MYH3: variants seen among roughly 807,000 people sequenced by gnomAD.
MYH3 encodes myosin-3.
Under a neutral mutation model 238.0 loss-of-function variants are expected in MYH3, and 130 were observed. That is an observed-to-expected ratio of 0.55 (90% CI 0.47 to 0.63). The LOEUF is 0.63. Among genes scored for constraint, MYH3 ranks in the 30% least tolerant of loss-of-function variants. The pLI, the probability that MYH3 is intolerant of heterozygous loss-of-function variation, is 0.00. For missense variants in MYH3, 1,853 were observed against 2,374.9 expected (o/e 0.78, Z 4.57); for synonymous variants, 880 against 924.1 (o/e 0.95, Z 0.86).
intron 5 of MYH3, among the ~76,000 whole-genome samples, chr17:10,650,805 G>A (rs763364516): frequency 1.3e-5 from 2 of 152,074 alleles, no homozygotes; most frequent in Non-Finnish European, 2.9e-5. Context: ...CACCAGCACC[G>A]ATTTCTCCTT....
Position 10,631,981 on chromosome 17 carries a change from G to A in MYH3, c.4992C>T (p.Gly1664=). The part of the protein sequence containing the change: ...TQLHLDDALR[G]QEDLKEQLAI... ...CCAGCTGCTCCTTCAGGTCCTCCTG[G>A]CCCCGGAGGGCATCATCCAGGTGGA... Residue 1664 remains glycine (G), a synonymous_variant, in exon 35 of 41, where the codon GGC becomes GGT. Transcript: ENST00000583535. 6.2e-7 allele frequency: 1 copy of A among 1,613,782 alleles called. No homozygotes were observed. Among genetic ancestry groups the A allele is most frequent in the Non-Finnish European group, 8.5e-7 (1 of 1,180,046 alleles).
the MYH3 span, among the ~76,000 whole-genome samples, chr17:10,671,665 C>T: frequency 3.4e-5 from 5 of 147,076 alleles, no homozygotes; most frequent in Admixed American, 2.7e-4. Flanking sequence ...CTGCAAGCTC[C>T]GCCTCCCGGG....
Position 10,652,576 on chromosome 17 carries a change from A to G in MYH3, c.205-13T>C, listed in dbSNP as rs1254454741. 7.0e-7 allele frequency: 1 copy of G among 1,420,588 alleles called. No homozygotes were observed. Among genetic ancestry groups the G allele is most frequent in the African/African-American group, 1.5e-5 (1 of 66,156 alleles). The allele number at this position is 1,420,588 out of a possible 1,614,324, so 88.0% of individuals were successfully genotyped here. ...TGACCACCAGGGTCTAAAAAGGAAG[A>G]GGCACAGTGCTTCACTAAGATGGTC... On this transcript the variant is annotated splice_polypyrimidine_tract_variant and intron_variant, in intron 3 of 40. Coordinates refer to ENST00000583535, the MANE Select transcript of MYH3 (RefSeq NM_002470.4).
chr17:10,652,853 C>T (rs972069784), intron 3 of MYH3, among the ~76,000 whole-genome samples: 12 of 151,798 alleles, frequency 7.9e-5, no homozygotes, highest in East Asian at 1.9e-4. Context: ...GATCTCCTGA[C>T]CTCGTGATCC....
At chr17:10,648,458 T>C (rs1036972856) in intron 8 of MYH3, 99 bp downstream of exon 8, 6 of 1,007,426 alleles carry the variant, frequency 6.0e-6, no homozygotes, top group Non-Finnish European at 9.6e-6. Flanking sequence ...TTGTTTTTCA[T>C]CATCTGTTGC....
At chr17:10,653,652 T>G (rs1293149001) in intron 3 of MYH3, among the ~76,000 whole-genome samples, 3 of 152,166 alleles carry the variant, frequency 2.0e-5, no homozygotes, top group Non-Finnish European at 2.9e-5. Flanking sequence ...TCCTCTTCCC[T>G]GCCCTGTCCT....
Position 10,632,512 on chromosome 17 carries a change from G to C in MYH3, c.4920C>G (p.Thr1640=). 1 of 1,614,052 alleles carries C rather than the reference G, an allele frequency of 6.2e-7. No individual in the cohort carries two copies. Among genetic ancestry groups the C allele is most frequent in the African/African-American group, 1.3e-5 (1 of 75,032 alleles). Residue 1640 remains threonine (T), a synonymous_variant, in exon 34 of 41, where the codon ACC becomes ACG. Coordinates refer to ENST00000583535, the MANE Select transcript of MYH3 (RefSeq NM_002470.4). ...LSHANRQAAE[T]LKHLRSVQGQ... ...CCTGGACACTCCTGAGGTGTTTGAG[G>C]GTCTCCGCCGCCTGGCGGTTGGCGT...
rs540038888 is a variant in MYH3 at position 10,643,857 on chromosome 17, C to CT, written c.1410+493dup. On this transcript the variant is annotated intron_variant, in intron 14 of 40. Coordinates refer to ENST00000583535, the MANE Select transcript of MYH3 (RefSeq NM_002470.4). ...TTCCACTTGATAGACATCTTCTCCTCTTTTAAAATAATACAAACCCAGCCA... is the reference window on the plus strand; with the variant it reads ...TTCCACTTGATAGACATCTTCTCCTCTTTTTAAAATAATACAAACCCAGCCA... Among the ~76,000 whole-genome samples, 502 of 152,226 alleles carry CT rather than the reference C, an allele frequency of 3.3e-3. 5 individuals are homozygous for CT. Among genetic ancestry groups the CT allele is most frequent in the Non-Finnish European group, 4.1e-3 (277 of 68,030 alleles).
Position 10,628,583 on chromosome 17 carries a change from A to T in MYH3, c.*70T>A, listed in dbSNP as rs2074116417. ...GTGAAAAAGAGTCACATGGACATTA[A>T]GTATCAATGGTCAGGAATCAAGAAA... On this transcript the variant is annotated 3_prime_UTR_variant, in exon 41 of 41. Transcript: ENST00000583535. 2.0e-6 allele frequency: 3 copies of T among 1,521,586 alleles called. No homozygotes were observed. In the East Asian group the frequency reaches 6.8e-5, roughly 34 times the overall value. The allele number at this position is 1,521,586 out of a possible 1,614,324, so 94.3% of individuals were successfully genotyped here.
intron 17 of MYH3, 58 bp from the exon 18 acceptor site, chr17:10,641,430 G>T: frequency 1.6e-6 from 2 of 1,225,746 alleles, no homozygotes; most frequent in South Asian, 1.2e-5. Flanking sequence ...TGAAGACAGA[G>T]ATCCATTGTA....
At chr17:10,658,804 C>G (rs1306444094), upstream of MYH3, 1 of 152,290 alleles carries the variant, frequency 6.6e-6, no homozygotes, top group Non-Finnish European at 1.5e-5. Context: ...CCCTCCTCAT[C>G]CAAGGAGAGG....
At chr17:10,651,428 T>G (rs2074373179) in intron 5 of MYH3, 84 bp downstream of exon 5, 2 of 1,605,956 alleles carry the variant, frequency 1.2e-6, no homozygotes, top group African/African-American at 2.7e-5. Flanking sequence ...CCAGATGGGG[T>G]CCAGCCTGGG....
rs7214436 is a variant in MYH3 at position 10,651,564 on chromosome 17, G to C, written c.453C>G (p.Ala151=). ...CAGAGATGGAGAAGATGTGGGGTGG[G>C]GCCTCCTGGCGCTTTTTGCCTCGGT... ...EGYRGKKRQE[A]PPHIFSISDN... is the part of the protein sequence containing the mutation. Residue 151 remains alanine, a synonymous_variant, in exon 5 of 41, where the codon GCC becomes GCG. Coordinates refer to ENST00000583535, the MANE Select transcript of MYH3 (RefSeq NM_002470.4). 24 of 1,613,924 alleles carry C rather than the reference G, an allele frequency of 1.5e-5. No individual in the cohort carries two copies. Among genetic ancestry groups the C allele is most frequent in the Non-Finnish European group, 2.0e-5 (24 of 1,179,924 alleles).
At chr17:10,652,609 CTTTTTTTTTTTTTTTTTT>C (rs149916956) in intron 3 of MYH3, 46 bp from the exon 4 acceptor site, 266 of 427,598 alleles carry the variant, frequency 6.2e-4, no homozygotes, top group Non-Finnish European at 7.7e-4. Flanking sequence ...GTCTGCACGT[CTTTTTTTTTTTTTTTTTT>C]TTTTTTTTTT....
chr17:10,634,192 C>G lies in MYH3; in HGVS notation c.4357-10G>C. On this transcript the variant is annotated splice_polypyrimidine_tract_variant and intron_variant, in intron 31 of 40. Coordinates refer to ENST00000583535, the MANE Select transcript of MYH3 (RefSeq NM_002470.4). ...TCCACTCTGCCAACACCTGAAACACCGGACGGAAGTTCTCTCCGTTTCTGA... is the reference window on the plus strand; with the variant it reads ...TCCACTCTGCCAACACCTGAAACACGGGACGGAAGTTCTCTCCGTTTCTGA... 1.2e-6 allele frequency: 2 copies of G among 1,614,076 alleles called. No homozygotes were observed. The highest frequency in any genetic ancestry group is 1.7e-6 in the Non-Finnish European group (2 of 1,180,010).
Position 10,641,070 on chromosome 17 carries a change from A to G in MYH3, c.2165+15T>C, listed in dbSNP as rs1372772628. 6.5e-7 allele frequency: 1 copy of G among 1,544,256 alleles called. No homozygotes were observed. The highest frequency in any genetic ancestry group is 1.4e-5 in the African/African-American group (1 of 73,732). ...CATCTCATCCCCAAGCATATAGAAC[A>G]TGTTTATTACACACCTTTGTTTAAA... On this transcript the variant is annotated intron_variant, in intron 19 of 40. Transcript: ENST00000583535.
chr17:10,666,529 C>T, the MYH3 span, among the ~76,000 whole-genome samples: 1 of 149,322 alleles, frequency 6.7e-6, no homozygotes, highest in African/African-American at 2.5e-5. Context: ...ATTGCTTGAG[C>T]CCAGGAGTTC....
In MYH3 at chr17:10,632,576, ATCT is replaced by A. The variant is rs1187485997; in HGVS notation, c.4853_4855del (p.Lys1618del). The stretch of plus-strand genomic sequence containing the variant: ...CTCGATTTCATTCAGGTCCCCCTCC[ATCT>A]TCTTCTTGAGCCGGATGGCTTCATT... On this transcript the variant is annotated inframe_deletion, in exon 34 of 41. Coordinates refer to ENST00000583535, the MANE Select transcript of MYH3 (RefSeq NM_002470.4). 3.1e-6 allele frequency: 5 copies of A among 1,613,910 alleles called. No homozygotes were observed. The highest frequency in any genetic ancestry group is 1.7e-5 in the Admixed American group (1 of 59,996).
chr17:10,669,927 A>G, the MYH3 span, among the ~76,000 whole-genome samples: 1 of 152,194 alleles, frequency 6.6e-6, no homozygotes, highest in Admixed American at 6.5e-5. Flanking sequence ...AATAAAGAAA[A>G]TAAAATAAAA....
Sources: allele counts gnomAD v4.1 joint callset (sites outside exome capture counted in the v4.1 genomes callset), GRCh38; gene constraint gnomAD v4.1.1; transcripts MANE v1.5; gene names NCBI Gene and HGNC (gene_info 2026-07-23, HGNC 2026-07-21).